ZNF407: variants seen among roughly 807,000 people sequenced by gnomAD.
ZNF407 encodes the protein zinc finger protein 407.
ZNF407 carries 17 observed loss-of-function variants against 131.2 expected under a neutral mutation model. That is an observed-to-expected ratio of 0.13 (90% CI 0.09 to 0.19). The LOEUF is 0.19. Ranked by LOEUF, ZNF407 falls within the 10% of genes least tolerant of loss-of-function variation. The pLI, the probability that ZNF407 is intolerant of heterozygous loss-of-function variation, is 1.00. For missense variants in ZNF407, 2,681 were observed against 2,830.6 expected (o/e 0.95, Z 1.20); for synonymous variants, 1,156 against 1,062.0 (o/e 1.09, Z -1.72).
chr18:74,755,745 C>CTTTCTT (rs1555684089), intron 3 of ZNF407, among the ~76,000 whole-genome samples: 1 of 115,970 alleles, frequency 8.6e-6, no homozygotes, highest in African/African-American at 4.3e-5. Context: ...TTCTTTCTTT[C>CTTTCTT]TTTCTTTCTT....
rs894034221 is a variant in ZNF407 at position 74,987,197 on chromosome 18, G to A, written c.5428+66505G>A. On this transcript the variant is annotated intron_variant, in intron 8 of 8. Coordinates refer to ENST00000299687, the MANE Select transcript of ZNF407 (RefSeq NM_017757.3). Reference sequence around the variant, plus strand: ...TGGAAAGTTCATGCTGCTTAGAGGCGTGTCGTTGTGTCAGTACCGGGGAAT... The same window carrying A: ...TGGAAAGTTCATGCTGCTTAGAGGCATGTCGTTGTGTCAGTACCGGGGAAT... Among the ~76,000 whole-genome samples, 245 of 151,764 alleles carry A rather than the reference G, an allele frequency of 1.6e-3. 4 individuals carry two copies. Among genetic ancestry groups the A allele is most frequent in the Non-Finnish European group, 4.6e-4 (31 of 67,956 alleles).
At chr18:74,818,015 C>T (rs1970290840) in intron 4 of ZNF407, among the ~76,000 whole-genome samples, 2 of 152,134 alleles carry the variant, frequency 1.3e-5, no homozygotes, top group Admixed American at 6.6e-5. Context: ...ATTTCATGAC[C>T]AGATCTTTTG....
intron 1 of ZNF407, among the ~76,000 whole-genome samples, chr18:74,616,904 CACACATCCATATCCACGCACCAT>C (rs1983319165): frequency 6.9e-6 from 1 of 144,938 alleles, no homozygotes; most frequent in East Asian, 2.0e-4. Flanking sequence ...TCCATATCCA[CACACATCCATATCCACGCACCAT>C]ACACATCCAT....
At position 74,907,639 on chromosome 18, in the gene ZNF407, T is replaced by G. The variant is rs181154106; in HGVS notation, c.5250-12875T>G. ...AGCTAACTCTTAGCTCTCAATGGTA[T>G]AGAATTCCCTAGTATGGATGCACTG... On this transcript the variant is annotated intron_variant, in intron 7 of 8. Coordinates refer to ENST00000299687, the MANE Select transcript of ZNF407 (RefSeq NM_017757.3). 1.4e-4 allele frequency among the ~76,000 whole-genome samples: 22 copies of G among 152,348 alleles called. No homozygotes were observed. In the East Asian group the frequency reaches 4.2e-3, roughly 29 times the overall value.
chr18:75,014,830 A>G (rs1973024459), intron 8 of ZNF407, among the ~76,000 whole-genome samples: 1 of 152,134 alleles, frequency 6.6e-6, no homozygotes, highest in African/African-American at 2.4e-5. Context: ...GACTGTGCAG[A>G]TGAATAGAAA....
chr18:74,641,211 A>C, intron 3 of ZNF407, 89 bp downstream of exon 3: 1 of 989,686 alleles, frequency 1.0e-6, no homozygotes, highest in Non-Finnish European at 1.6e-6. Context: ...GATAGGAGTA[A>C]GAGTGGCTAA....
intron 8 of ZNF407, among the ~76,000 whole-genome samples, chr18:75,052,615 T>G: frequency 6.6e-6 from 1 of 152,228 alleles, no homozygotes; most frequent in East Asian, 1.9e-4. Flanking sequence ...AAGATTATGT[T>G]AAGTGGGCAA....
chr18:74,954,697 A>G (rs60326738), intron 8 of ZNF407, among the ~76,000 whole-genome samples: 8,586 of 152,230 alleles, frequency 0.056, 804 homozygotes, highest in African/African-American at 0.19. Flanking sequence ...TACATTTTAG[A>G]TTATGAGTGT....
chr18:74,897,828 T>C (rs1235940210), intron 7 of ZNF407, among the ~76,000 whole-genome samples: 1 of 152,184 alleles, frequency 6.6e-6, no homozygotes, highest in Non-Finnish European at 1.5e-5. Flanking sequence ...CCCTACAGTG[T>C]GGGGTTGGAT....
chr18:74,821,797 T>G lies in ZNF407; in HGVS notation c.4877+40295T>G, dbSNP rs535824370. On this transcript the variant is annotated intron_variant, in intron 4 of 8. Transcript: ENST00000299687. ...TTGGGTATATACCCAGTAATGGGATTGCTGGGTCAAATGGTATTTCTAGTA... is the reference window on the plus strand; with the variant it reads ...TTGGGTATATACCCAGTAATGGGATGGCTGGGTCAAATGGTATTTCTAGTA... Among the ~76,000 whole-genome samples, 18 of 152,300 alleles carry G rather than the reference T, an allele frequency of 1.2e-4. No homozygotes were observed. The East Asian group carries it at 2.7e-3, about 23-fold the overall frequency.
chr18:74,792,000 G>A (rs191735803), intron 4 of ZNF407, among the ~76,000 whole-genome samples: 210 of 152,268 alleles, frequency 1.4e-3, no homozygotes, highest in Non-Finnish European at 2.3e-3. Context: ...GCTTTATATG[G>A]CACTGCCACT....
At chr18:74,613,733 C>G (rs942433194) in intron 1 of ZNF407, among the ~76,000 whole-genome samples, 1 of 152,154 alleles carries the variant, frequency 6.6e-6, no homozygotes, top group African/African-American at 2.4e-5. Context: ...ATTCTCAGTG[C>G]TTTTTGGTGT....
chr18:74,780,288 TGAAAA>T (rs1447265545), intron 3 of ZNF407, among the ~76,000 whole-genome samples: 4 of 152,310 alleles, frequency 2.6e-5, no homozygotes, highest in East Asian at 3.9e-4. Context: ...CATTTAGACA[TGAAAA>T]GAAAAGAAGC....
chr18:74,812,532 C>T (rs1439903601), intron 4 of ZNF407, among the ~76,000 whole-genome samples: 1 of 152,106 alleles, frequency 6.6e-6, no homozygotes. Flanking sequence ...TGGTTTTCAA[C>T]ACATTGATTA....
intron 8 of ZNF407, among the ~76,000 whole-genome samples, chr18:74,991,234 T>A (rs866923625): frequency 1.3e-5 from 2 of 152,216 alleles, no homozygotes; most frequent in African/African-American, 4.8e-5. Flanking sequence ...CTGAGGGTAG[T>A]AGAAGGGACT....
intron 3 of ZNF407, among the ~76,000 whole-genome samples, chr18:74,749,725 G>A (rs940250536): frequency 1.3e-5 from 2 of 152,146 alleles, no homozygotes; most frequent in African/African-American, 4.8e-5. Flanking sequence ...ATATGTGTCT[G>A]TGAACATTTT....
At chr18:74,804,139 C>G in intron 4 of ZNF407, 1 of 1,137,510 alleles carries the variant, frequency 8.8e-7, no homozygotes. Flanking sequence ...ATTTCATTGT[C>G]TTTTTTTTTT....
At chr18:75,003,205 G>A (rs1382635255) in intron 8 of ZNF407, among the ~76,000 whole-genome samples, 1 of 152,200 alleles carries the variant, frequency 6.6e-6, no homozygotes, top group African/African-American at 2.4e-5. Context: ...TCATGTTGAA[G>A]GAGTGGCTTC....
intron 7 of ZNF407, among the ~76,000 whole-genome samples, chr18:74,893,957 A>T (rs1415776056): frequency 6.6e-6 from 1 of 152,160 alleles, no homozygotes; most frequent in Non-Finnish European, 1.5e-5. Flanking sequence ...AATATTATTT[A>T]AGTTTCATTT....
Sources: allele counts gnomAD v4.1 joint callset (sites outside exome capture counted in the v4.1 genomes callset), GRCh38; gene constraint gnomAD v4.1.1; transcripts MANE v1.5; gene names NCBI Gene and HGNC (gene_info 2026-07-23, HGNC 2026-07-21).